SNTG1: variants seen among roughly 807,000 people sequenced by gnomAD.
The protein encoded by SNTG1 is syntrophin gamma 1.
SNTG1 carries 39 observed loss-of-function variants against 74.7 expected under a neutral mutation model. The observed-to-expected ratio is 0.52, with a 90% confidence interval of 0.40 to 0.68. The LOEUF (loss-of-function observed/expected upper bound fraction) is 0.68. SNTG1 is among the 30% of genes least tolerant of loss of function. The pLI, the probability that SNTG1 is intolerant of heterozygous loss-of-function variation, is 0.00. For missense variants in SNTG1, 685 were observed against 609.5 expected, an observed-to-expected ratio of 1.12 and a Z score of -1.30; for synonymous variants, 254 against 217.1, an observed-to-expected ratio of 1.17 and a Z score of -1.49.
Position 50,279,586 on chromosome 8 carries a change from C to T in SNTG1, c.-28+106951C>T, listed in dbSNP as rs372511735. ...TGTAAATTTAAAAAAATATTTGTTTCTCTGCCCTTTTTGAGTTACTAGTTG... is the reference window on the plus strand; with the variant it reads ...TGTAAATTTAAAAAAATATTTGTTTTTCTGCCCTTTTTGAGTTACTAGTTG... On this transcript the variant is annotated intron_variant, in intron 2 of 18. Transcript: ENST00000642720. 1.2e-4 allele frequency among the ~76,000 whole-genome samples: 19 copies of T among 152,194 alleles called. No homozygotes were observed. The East Asian group carries it at 1.9e-3, about 16-fold the overall frequency.
chr8:50,256,359 A>C (rs533806053), intron 2 of SNTG1, among the ~76,000 whole-genome samples: 1 of 152,108 alleles, frequency 6.6e-6, no homozygotes, highest in African/African-American at 2.4e-5. Flanking sequence ...AATCTACAAT[A>C]AAATGTTTAA....
intron 2 of SNTG1, among the ~76,000 whole-genome samples, chr8:50,178,016 A>T (rs1424464475): frequency 2.6e-5 from 4 of 152,194 alleles, no homozygotes; most frequent in Non-Finnish European, 5.9e-5. Flanking sequence ...AATGCATTTT[A>T]GATTCATCTA....
chr8:50,019,370 C>T (rs755893928), intron 1 of SNTG1, among the ~76,000 whole-genome samples: 7 of 151,914 alleles, frequency 4.6e-5, no homozygotes, highest in South Asian at 2.1e-4. Context: ...AAAATACAAA[C>T]GAGTGTGCAT....
intron 1 of SNTG1, among the ~76,000 whole-genome samples, chr8:50,033,555 G>A (rs899154612): frequency 6.6e-6 from 1 of 152,172 alleles, no homozygotes; most frequent in Admixed American, 6.5e-5. Context: ...CACTTCTGGA[G>A]GCTACAAATC....
At chr8:49,936,172 C>T (rs890569969) in intron 1 of SNTG1, among the ~76,000 whole-genome samples, 6 of 152,190 alleles carry the variant, frequency 3.9e-5, no homozygotes, top group Non-Finnish European at 8.8e-5. Flanking sequence ...ATTTAAAGGG[C>T]TTAGTGCAGG....
At chr8:50,788,075 A>G (rs2095680817) in intron 18 of SNTG1, among the ~76,000 whole-genome samples, 1 of 152,104 alleles carries the variant, frequency 6.6e-6, no homozygotes, top group Non-Finnish European at 1.5e-5. Context: ...ATATTCATTT[A>G]CACAATAATG....
intron 5 of SNTG1, among the ~76,000 whole-genome samples, chr8:50,443,951 T>C (rs1451340394): frequency 6.6e-6 from 1 of 152,060 alleles, no homozygotes. Flanking sequence ...TTGACCAACA[T>C]GGTGAAACTC....
chr8:49,982,480 T>C lies in SNTG1; in HGVS notation c.-103+70249T>C, dbSNP rs567946174. Among the ~76,000 whole-genome samples, 95 of 151,956 alleles carry C rather than the reference T, an allele frequency of 6.3e-4. No homozygotes were observed. The Middle Eastern group carries it at 0.027, about 44-fold the overall frequency. On this transcript the variant is annotated intron_variant, in intron 1 of 18. Coordinates refer to ENST00000642720, the MANE Select transcript of SNTG1 (RefSeq NM_018967.5). ...CATAACTATATATATTCATTATATA[T>C]AGTGCAAAATATCACATATATGTAT...
At chr8:50,104,753 G>C (rs1422452175) in intron 1 of SNTG1, among the ~76,000 whole-genome samples, 3 of 152,110 alleles carry the variant, frequency 2.0e-5, no homozygotes, top group African/African-American at 7.2e-5. Flanking sequence ...ACAGATTCTG[G>C]TATGTTGTGT....
intron 12 of SNTG1, among the ~76,000 whole-genome samples, chr8:50,587,833 A>T (rs1336026585): frequency 1.3e-5 from 2 of 148,268 alleles, no homozygotes; most frequent in Admixed American, 6.7e-5. Flanking sequence ...AAAAAAATTT[A>T]GCGGCTCATG....
intron 1 of SNTG1, among the ~76,000 whole-genome samples, chr8:50,060,738 T>G (rs1231009334): frequency 6.6e-6 from 1 of 152,130 alleles, no homozygotes; most frequent in Non-Finnish European, 1.5e-5. Context: ...TCCATTATTT[T>G]CGGCTTGCCT....
rs1188962344 is a variant in SNTG1 at position 50,266,644 on chromosome 8, TTATGTG to T, written c.-28+94011_-28+94016del. The stretch of plus-strand genomic sequence containing the variant: ...CACAACAGAAGTGAAAGACACAGAA[TTATGTG>T]TGTGTGTGTGTGTGTGTGTGTGTGT... On this transcript the variant is annotated intron_variant, in intron 2 of 18. Transcript: ENST00000642720. 7.2e-3 allele frequency among the ~76,000 whole-genome samples: 941 copies of T among 130,014 alleles called. 37 individuals are homozygous for T. Among genetic ancestry groups the T allele is most frequent in the Admixed American group, 0.025 (321 of 12,702 alleles). 85.3% of individuals were successfully genotyped at this position (130,014 alleles called of 152,430 possible).
intron 1 of SNTG1, among the ~76,000 whole-genome samples, chr8:50,168,403 T>G (rs552008473): frequency 6.6e-6 from 1 of 152,220 alleles, no homozygotes; most frequent in South Asian, 2.1e-4. Flanking sequence ...TCTCTAATAG[T>G]AAAGGAAAGA....
chr8:50,584,483 T>C (rs965634486), intron 12 of SNTG1, among the ~76,000 whole-genome samples: 9 of 151,472 alleles, frequency 5.9e-5, no homozygotes, highest in African/African-American at 2.2e-4. Context: ...TGGTATCTCA[T>C]TGTGGTTTTG....
intron 2 of SNTG1, among the ~76,000 whole-genome samples, chr8:50,243,279 T>C (rs2086245824): frequency 6.6e-6 from 1 of 152,202 alleles, no homozygotes; most frequent in South Asian, 2.1e-4. Context: ...TTCAGGTTCA[T>C]AAAAGAATTG....
intron 2 of SNTG1, among the ~76,000 whole-genome samples, chr8:50,184,105 G>A (rs2083301180): frequency 6.6e-6 from 1 of 152,024 alleles, no homozygotes; most frequent in South Asian, 2.1e-4. Context: ...TCAACAGTTT[G>A]TCTCTCTCTG....
Position 50,314,140 on chromosome 8 carries a change from C to T in SNTG1, c.-27-80072C>T, listed in dbSNP as rs79988049. On this transcript the variant is annotated intron_variant, in intron 2 of 18. Coordinates refer to ENST00000642720, the MANE Select transcript of SNTG1 (RefSeq NM_018967.5). ...ATCCCCTCTAGGCCCCTTCAGTGGACAGTTACTTATTAAAACTGAGGTGAG... is the reference window on the plus strand; with the variant it reads ...ATCCCCTCTAGGCCCCTTCAGTGGATAGTTACTTATTAAAACTGAGGTGAG... Among the ~76,000 whole-genome samples the T allele has an allele frequency of 1.3e-3, 188 of 149,752 alleles. 20 individuals are homozygous for T. In the East Asian group the frequency reaches 0.024, roughly 19 times the overall value.
intron 2 of SNTG1, among the ~76,000 whole-genome samples, chr8:50,289,882 T>A (rs2088995582): frequency 6.6e-6 from 1 of 152,104 alleles, no homozygotes; most frequent in Admixed American, 6.6e-5. Flanking sequence ...TTTTCCCCTT[T>A]TATAGCAAGG....
intron 9 of SNTG1, among the ~76,000 whole-genome samples, chr8:50,506,485 GTCTT>G (rs1336501787): frequency 6.6e-6 from 1 of 151,978 alleles, no homozygotes; most frequent in Non-Finnish European, 1.5e-5. Flanking sequence ...AGCATGGGAT[GTCTT>G]TCTATTTATT....
Sources: allele counts gnomAD v4.1 joint callset (sites outside exome capture counted in the v4.1 genomes callset), GRCh38; gene constraint gnomAD v4.1.1; transcripts MANE v1.5; gene names NCBI Gene and HGNC (gene_info 2026-07-23, HGNC 2026-07-21).